Variants in PPP1R1C observed in about 807,000 individuals in gnomAD.
PPP1R1C encodes protein phosphatase 1 regulatory subunit 1C.
PPP1R1C carries 15 observed loss-of-function variants against 17.4 expected under a neutral mutation model. The ratio of observed to expected loss-of-function variants is 0.86; its 90% CI spans 0.58 to 1.33. PPP1R1C has a LOEUF of 1.33. Ranked by LOEUF, PPP1R1C falls within the 40% of genes most tolerant of loss-of-function variation. The pLI is 0.00. For missense variants in PPP1R1C, 143 were observed against 130.0 expected (o/e 1.10, Z -0.48); for synonymous variants, 35 against 43.1 (o/e 0.81, Z 0.73).
Position 181,961,400 on chromosome 2 carries a change from C to A in PPP1R1C, n.111+6766C>A. 1 of 726,170 alleles carries A rather than the reference C, an allele frequency of 1.4e-6. No homozygotes were observed. 45.0% of individuals were successfully genotyped at this position (726,170 alleles called of 1,614,324 possible). A position where few individuals can be genotyped will look rare whatever the true frequency, so the allele number is the denominator to read the frequency against. On this transcript the variant is annotated intron_variant and non_coding_transcript_variant, in intron 1 of 5. Transcript: ENST00000464264. The surrounding 1 kb of genome is among the most constrained non-coding windows in gnomAD (Gnocchi z 5.8). ...ATGTTCAGCAGAGCCTCGTACTCCC[C>A]GATCTGGTGCTGTCCCTCTGCCCGG...
chr2:181,960,949 A>G (rs1684768763), intron 1 of PPP1R1C, among the ~76,000 whole-genome samples: 1 of 152,234 alleles, frequency 6.6e-6, no homozygotes. Flanking sequence ...AGACAATTCC[A>G]TAATATACCC....
chr2:181,990,330 G>C (rs1017419066), intron 2 of PPP1R1C, among the ~76,000 whole-genome samples: 1 of 150,906 alleles, frequency 6.6e-6, no homozygotes, highest in Non-Finnish European at 1.5e-5. Flanking sequence ...TTTTTTAGTA[G>C]AGACGGGGTT....
In PPP1R1C at chr2:181,965,002, G is replaced by A. The variant is rs114208095; in HGVS notation, n.112-10217G>A. The stretch of plus-strand genomic sequence containing the variant: ...ATTACAGGCGTGAGCCATCGCACTC[G>A]GCCCAACATCTCATTGTAGTTTAGT... On this transcript the variant is annotated intron_variant and non_coding_transcript_variant, in intron 1 of 5. Transcript: ENST00000464264. Among the ~76,000 whole-genome samples, 648 of 152,242 alleles carry A rather than the reference G, an allele frequency of 4.3e-3. 2 individuals are homozygous for A. The highest frequency in any genetic ancestry group is 7.0e-3 in the Non-Finnish European group (477 of 68,002).
At chr2:182,058,498 G>A (rs2125194340) in intron 2 of PPP1R1C, among the ~76,000 whole-genome samples, 1 of 152,162 alleles carries the variant, frequency 6.6e-6, no homozygotes, top group South Asian at 2.1e-4. Context: ...TTTCCATACT[G>A]CACTCTTTGG....
intron 5 of PPP1R1C, among the ~76,000 whole-genome samples, chr2:182,128,630 G>A (rs1689932909): frequency 7.2e-6 from 1 of 138,388 alleles, no homozygotes; most frequent in African/African-American, 3.0e-5. Context: ...ACACACATAT[G>A]CATATGTATG....
chr2:181,989,760 T>A (rs550676476), intron 2 of PPP1R1C, among the ~76,000 whole-genome samples: 2 of 152,284 alleles, frequency 1.3e-5, no homozygotes, highest in Admixed American at 1.3e-4. Context: ...ACAAATTAGA[T>A]GCAAATAGCA....
At chr2:182,044,243 T>C (rs1347395012) in intron 2 of PPP1R1C, among the ~76,000 whole-genome samples, 1 of 152,200 alleles carries the variant, frequency 6.6e-6, no homozygotes, top group African/African-American at 2.4e-5. Flanking sequence ...CATGCCTCTT[T>C]CTGCTTAAAA....
At chr2:182,100,528 G>A (rs559685037) in intron 4 of PPP1R1C, among the ~76,000 whole-genome samples, 249 of 151,218 alleles carry the variant, frequency 1.6e-3, no homozygotes, top group African/African-American at 5.6e-3. Flanking sequence ...AAAAAAAGAC[G>A]GGGAGAATGC....
chr2:182,089,583 AT>A (rs1485085160), intron 4 of PPP1R1C, among the ~76,000 whole-genome samples: 1 of 152,114 alleles, frequency 6.6e-6, no homozygotes, highest in Non-Finnish European at 1.5e-5. Flanking sequence ...TAACTTCTTT[AT>A]CTTTTTATAA....
intron 4 of PPP1R1C, among the ~76,000 whole-genome samples, chr2:182,088,483 T>C (rs897945866): frequency 6.6e-6 from 1 of 152,262 alleles, no homozygotes; most frequent in East Asian, 1.9e-4. Flanking sequence ...GATGCTCATC[T>C]AAGCAGCCCC....
chr2:182,014,269 C>T (rs1056085726), intron 2 of PPP1R1C, among the ~76,000 whole-genome samples: 1 of 152,134 alleles, frequency 6.6e-6, no homozygotes, highest in Non-Finnish European at 1.5e-5. Flanking sequence ...ACCCAAAGCC[C>T]AGTAATTCTG....
intron 2 of PPP1R1C, among the ~76,000 whole-genome samples, chr2:182,025,428 A>G (rs1686573435): frequency 1.4e-5 from 2 of 139,052 alleles, no homozygotes; most frequent in South Asian, 4.8e-4. Flanking sequence ...CTCATTGTTC[A>G]ATTGCCACCT....
intron 2 of PPP1R1C, among the ~76,000 whole-genome samples, chr2:182,020,006 C>T (rs889435119): frequency 2.0e-5 from 3 of 152,168 alleles, no homozygotes; most frequent in South Asian, 2.1e-4. Context: ...CCTGAAACTA[C>T]GACCATTTGA....
chr2:181,971,123 C>T (rs892812296), intron 1 of PPP1R1C, among the ~76,000 whole-genome samples: 1 of 152,134 alleles, frequency 6.6e-6, no homozygotes, highest in African/African-American at 2.4e-5. Context: ...CTTCTGTTTC[C>T]ATTTCTCAAG....
At chr2:182,101,881 A>G (rs552269240) in intron 4 of PPP1R1C, among the ~76,000 whole-genome samples, 1 of 152,270 alleles carries the variant, frequency 6.6e-6, no homozygotes, top group African/African-American at 2.4e-5. Flanking sequence ...ACTAGAAGAG[A>G]GCAGCTCAGG....
At chr2:182,110,000 C>G (rs1689369565) in intron 4 of PPP1R1C, among the ~76,000 whole-genome samples, 2 of 152,192 alleles carry the variant, frequency 1.3e-5, no homozygotes, top group South Asian at 4.1e-4. Context: ...GAACATAAGA[C>G]TAGCCTAATC....
At chr2:182,028,698 G>A (rs1176020075) in intron 2 of PPP1R1C, among the ~76,000 whole-genome samples, 1 of 149,502 alleles carries the variant, frequency 6.7e-6, no homozygotes, top group Admixed American at 6.7e-5. Flanking sequence ...GTTGATTTGG[G>A]GTGGAGAGTT....
chr2:182,071,571 G>A lies in PPP1R1C; in HGVS notation c.241+7780G>A, dbSNP rs573614550. Among the ~76,000 whole-genome samples the A allele has an allele frequency of 3.9e-5, 6 of 152,286 alleles. No individual in the cohort carries two copies. In the East Asian group the frequency reaches 1.2e-3, roughly 29 times the overall value. ...GTTTCCATACTGTACTCTTTGGAAG[G>A]AAGTCACTGTGTGTAGTACCCATTT... On this transcript the variant is annotated intron_variant, in intron 4 of 4. Coordinates refer to ENST00000682840, the MANE Select transcript of PPP1R1C (RefSeq NM_001080545.3).
chr2:182,114,029 T>C (rs1325056056), intron 4 of PPP1R1C, among the ~76,000 whole-genome samples: 1 of 152,226 alleles, frequency 6.6e-6, no homozygotes, highest in Non-Finnish European at 1.5e-5. Flanking sequence ...CAAAATTTAT[T>C]TCTTTTCCTT....
Sources: allele counts gnomAD v4.1 joint callset (sites outside exome capture counted in the v4.1 genomes callset), GRCh38; gene constraint gnomAD v4.1.1; non-coding constraint Gnocchi (gnomAD v3.1); transcripts MANE v1.5; gene names NCBI Gene and HGNC (gene_info 2026-07-23, HGNC 2026-07-21).